NCAN: variants seen among roughly 807,000 people sequenced by gnomAD.
NCAN encodes the protein neurocan.
A neutral mutation model predicts 121.8 loss-of-function variants in NCAN; 47 were observed. That is an observed-to-expected ratio of 0.39 (90% CI 0.31 to 0.49). The LOEUF (loss-of-function observed/expected upper bound fraction) is 0.49, where lower values mean the gene tolerates loss of function less well. Among genes scored for constraint, NCAN ranks in the 20% least tolerant of loss-of-function variants. The probability of loss-of-function intolerance (pLI) is 0.92; values close to 1 mark genes in which losing one functional copy is unlikely to be tolerated. For missense variants in NCAN, 1,517 were observed against 1,773.4 expected (o/e 0.86, Z 2.60); for synonymous variants, 633 against 702.0 (o/e 0.90, Z 1.55).
chr19:19,246,387 A>G (rs1480575414), intron 13 of NCAN, among the ~76,000 whole-genome samples: 21 of 152,098 alleles, frequency 1.4e-4, no homozygotes. Flanking sequence ...CTCACTTTCC[A>G]CCAGCGTATG....
At chr19:19,234,158 G>C (rs900698570) in intron 9 of NCAN, among the ~76,000 whole-genome samples, 5 of 152,138 alleles carry the variant, frequency 3.3e-5, no homozygotes. Flanking sequence ...AAAAGACAAA[G>C]GAATTATATG....
intron 3 of NCAN, among the ~76,000 whole-genome samples, chr19:19,220,016 G>A (rs958954620): frequency 6.6e-6 from 1 of 151,906 alleles, no homozygotes; most frequent in African/African-American, 2.4e-5. Context: ...CACACCGCGA[G>A]ACTCTGTCTC....
chr19:19,241,979 G>A (rs1486575039), intron 12 of NCAN, among the ~76,000 whole-genome samples: 5 of 152,122 alleles, frequency 3.3e-5, no homozygotes, highest in African/African-American at 1.2e-4. Context: ...CAGATCACTT[G>A]AGGTCAGGAG....
rs1256053279 is a variant in NCAN at position 19,218,914 on chromosome 19, G to A, written c.74-1G>A. 1 of 1,485,958 alleles carries A rather than the reference G, an allele frequency of 6.7e-7. No homozygotes were observed. Among genetic ancestry groups the A allele is most frequent in the Non-Finnish European group, 9.0e-7 (1 of 1,115,024 alleles). 92.0% of individuals were successfully genotyped at this position (1,485,958 alleles called of 1,614,324 possible). On this transcript the variant is annotated splice_acceptor_variant, in intron 2 of 14. Transcript: ENST00000252575. LOFTEE classifies it high-confidence loss of function. ...CCCTCTCTCCACCTTCTCCAACCCA[G>A]GCACACAGGATATCACCGATGCCAG...
chr19:19,227,873 G>T lies in NCAN; in HGVS notation c.2253G>T (p.Arg751Ser). 1 of 1,613,692 alleles carries T rather than the reference G, an allele frequency of 6.2e-7. No individual in the cohort carries two copies. The highest frequency in any genetic ancestry group is 1.1e-5 in the South Asian group (1 of 91,080). ...CTGCCACTGAGCCAACGGGCCTCAG[G>T]GGTATCCCGGGGTCTGAGTCTGGGG... The part of the protein sequence containing the change: ...TETATEPTGL[R>S]GIPGSESGVF... Residue 751 changes from arginine (R) to serine (S), a missense_variant, in exon 8 of 15, where the codon AGG (arginine) becomes AGT (serine). Arg to Ser is a moderately radical substitution (Grantham distance 110). Transcript: ENST00000252575. The surrounding 1 kb of genome is among the most constrained non-coding windows in gnomAD (Gnocchi z 4.2).
chr19:19,238,543 G>A (rs1599820236), intron 11 of NCAN, 132 bp downstream of exon 11: 12 of 1,079,908 alleles, frequency 1.1e-5, no homozygotes, highest in Admixed American at 4.1e-5. Flanking sequence ...GTTCATTAAC[G>A]CAAGCCCTGA....
chr19:19,237,279 CAGG>C (rs933672112), intron 10 of NCAN, among the ~76,000 whole-genome samples: 1 of 152,016 alleles, frequency 6.6e-6, no homozygotes, highest in Non-Finnish European at 1.5e-5. Context: ...CTGATCATGT[CAGG>C]AGATCAAGAC....
intron 13 of NCAN, among the ~76,000 whole-genome samples, chr19:19,248,380 G>A (rs1159115909): frequency 6.6e-6 from 1 of 152,050 alleles, no homozygotes; most frequent in East Asian, 1.9e-4. Flanking sequence ...GGGAGGCAGG[G>A]GTTGCAGTGA....
Position 19,249,825 on chromosome 19 carries a change from C to T in NCAN, c.3880C>T (p.His1294Tyr), listed in dbSNP as rs888185980. 1 of 1,613,776 alleles carries T rather than the reference C, an allele frequency of 6.2e-7. No homozygotes were observed. ...HHHHQHHHQH[H>Y]HHKSRKERRK... is the part of the protein sequence containing the mutation. ...CCACCACCAACACCACCACCAGCAT[C>T]ACCACCACAAATCCCGCAAGGAGCG... The change falls in exon 15 of 15, where the codon CAC (histidine) becomes TAC (tyrosine). Residue 1294 changes from histidine to tyrosine, a missense_variant. Physicochemically the swap from His to Tyr is moderately conservative, Grantham distance 83. Coordinates refer to ENST00000252575, the MANE Select transcript of NCAN (RefSeq NM_004386.3).
At chr19:19,221,754 C>A (rs2060817625) in intron 3 of NCAN, among the ~76,000 whole-genome samples, 1 of 151,286 alleles carries the variant, frequency 6.6e-6, no homozygotes, top group Admixed American at 6.6e-5. Flanking sequence ...GCAGGGCATG[C>A]TAGTGTGCGC....
intron 8 of NCAN, among the ~76,000 whole-genome samples, chr19:19,232,665 G>C (rs1217369084): frequency 1.3e-5 from 2 of 152,194 alleles, no homozygotes; most frequent in Non-Finnish European, 2.9e-5. Context: ...AACTTTCCCA[G>C]GGATGGAAAT....
At position 19,212,498 on chromosome 19, in the gene NCAN, C is replaced by A. The variant is rs1319550898; in HGVS notation, c.-8+434C>A. On this transcript the variant is annotated intron_variant, in intron 1 of 14. Transcript: ENST00000252575. The surrounding 1 kb of genome is among the most constrained non-coding windows in gnomAD (Gnocchi z 4.5). ...ATTTTAAGTAGGGATTCCCAATTTG[C>A]GGTTGAATGGAGGATTCCGGGCCGG... is the stretch of plus-strand genomic sequence containing the variant. 6.6e-6 allele frequency among the ~76,000 whole-genome samples: 1 copy of A among 151,228 alleles called. No individual in the cohort carries two copies. Among genetic ancestry groups the A allele is most frequent in the Non-Finnish European group, 1.5e-5 (1 of 67,778 alleles).
At chr19:19,231,101 T>C (rs2060857782) in intron 8 of NCAN, among the ~76,000 whole-genome samples, 4 of 152,116 alleles carry the variant, frequency 2.6e-5, no homozygotes, top group African/African-American at 7.2e-5. Context: ...CCCGTATCGA[T>C]AAAGGCTGAC....
chr19:19,227,520 G>A lies in NCAN; in HGVS notation c.1900G>A (p.Ala634Thr). Residue 634 changes from alanine (A) to threonine (T), a missense_variant, in exon 8 of 15, where the codon GCC becomes ACC. By Grantham distance (58) the Ala-to-Thr change is moderately conservative. Coordinates refer to ENST00000252575, the MANE Select transcript of NCAN (RefSeq NM_004386.3). This position sits in a 1 kb window ranked among gnomAD's most constrained non-coding sequence, Gnocchi z 4.2. ...CACCTCCCCAGATCTCCCTATGATGGCCATGCTGCGTGGTCCCAAAGAGTG... is the reference window on the plus strand; with the variant it reads ...CACCTCCCCAGATCTCCCTATGATGACCATGCTGCGTGGTCCCAAAGAGTG... ...VATSPDLPMM[A>T]MLRGPKEWML... 1 of 1,613,816 alleles carries A rather than the reference G, an allele frequency of 6.2e-7. No homozygotes were observed. The highest frequency in any genetic ancestry group is 8.5e-7 in the Non-Finnish European group (1 of 1,179,986).
At position 19,250,089 on chromosome 19, in the gene NCAN, A is replaced by G. The variant is rs951210208; in HGVS notation, c.*178A>G. ...TCTTTTCCCTTTTTTTACATACACA[A>G]GATCCTCTTGGCAGGTGGAGCCAGG... On this transcript the variant is annotated 3_prime_UTR_variant, in exon 15 of 15. Transcript: ENST00000252575. 1.3e-6 allele frequency: 1 copy of G among 771,998 alleles called. No homozygotes were observed. The highest frequency in any genetic ancestry group is 2.2e-6 in the Non-Finnish European group (1 of 448,908). The allele number at this position is 771,998 out of a possible 1,614,324, so 47.8% of individuals were successfully genotyped here. A position where few individuals can be genotyped will look rare whatever the true frequency, so the allele number is the denominator to read the frequency against.
intron 3 of NCAN, among the ~76,000 whole-genome samples, chr19:19,223,267 C>T (rs2060823413): frequency 6.6e-6 from 1 of 152,122 alleles, no homozygotes; most frequent in Admixed American, 6.5e-5. Flanking sequence ...CACCTCCTGC[C>T]ACCTCCAGGG....
In NCAN at chr19:19,219,331, AAGG is replaced by A. The variant is rs1422028479; in HGVS notation, c.475+19_475+21del. ...GGAGGTGACAGGTCAGTTGGGGGCA[AAGG>A]AGGGGCCGGGGGCCGGGGAGAGGGA... is the stretch of plus-strand genomic sequence containing the variant. On this transcript the variant is annotated intron_variant, in intron 3 of 14. Coordinates refer to ENST00000252575, the MANE Select transcript of NCAN (RefSeq NM_004386.3). The A allele has an allele frequency of 9.3e-6, 14 of 1,500,732 alleles. No homozygotes were observed. The East Asian group carries it at 3.2e-4, about 34-fold the overall frequency. The allele number at this position is 1,500,732 out of a possible 1,614,324, so 93.0% of individuals were successfully genotyped here. A position where few individuals can be genotyped will look rare whatever the true frequency, so the allele number is the denominator to read the frequency against.
chr19:19,228,088 G>A lies in NCAN; in HGVS notation c.2468G>A (p.Gly823Glu). ...GAGCCTTGGGTTGCTACAGATGAAG[G>A]ACCCACTGTGAATCCCATGGATTCC... The part of the protein sequence containing the change: ...NLEPWVATDE[G>E]PTVNPMDSTV... The change falls in exon 8 of 15, where the codon GGA becomes GAA. Residue 823 changes from glycine (G) to glutamate (E), a missense_variant. Coordinates refer to ENST00000252575, the MANE Select transcript of NCAN (RefSeq NM_004386.3). 7 of 1,613,574 alleles carry A rather than the reference G, an allele frequency of 4.3e-6. No homozygotes were observed. Among genetic ancestry groups the A allele is most frequent in the Non-Finnish European group, 5.1e-6 (6 of 1,180,018 alleles).
chr19:19,243,375 G>C (rs893884468), intron 12 of NCAN, among the ~76,000 whole-genome samples: 1 of 151,850 alleles, frequency 6.6e-6, no homozygotes, highest in African/African-American at 2.4e-5. Flanking sequence ...AATTAGCCAG[G>C]CGTGGTGGCG....
Sources: allele counts gnomAD v4.1 joint callset (sites outside exome capture counted in the v4.1 genomes callset), GRCh38; gene constraint gnomAD v4.1.1; non-coding constraint Gnocchi (gnomAD v3.1); transcripts MANE v1.5; gene names NCBI Gene and HGNC (gene_info 2026-07-23, HGNC 2026-07-21).